The following NCALD variants were observed in gnomAD, a reference collection of about 807,000 sequenced individuals.
NCALD encodes the protein neurocalcin delta.
In NCALD, 10 loss-of-function variants were observed where a neutral mutation model predicts 18.6. That is an observed-to-expected ratio of 0.54 (90% CI 0.33 to 0.91). The LOEUF is 0.91. NCALD is among the 40% of genes least tolerant of loss of function. The pLI is 0.03. For synonymous variants in NCALD, 88 were observed against 87.4 expected, an observed-to-expected ratio of 1.01 and a Z score of -0.04; for missense variants, 184 against 247.6, an observed-to-expected ratio of 0.74 and a Z score of 1.72.
At chr8:101,915,016 T>C (rs1817926612) in intron 3 of NCALD, among the ~76,000 whole-genome samples, 1 of 152,234 alleles carries the variant, frequency 6.6e-6, no homozygotes, top group Non-Finnish European at 1.5e-5. Context: ...TTGACAAACA[T>C]TTTTGCAGTG....
At chr8:101,991,837 A>G (rs1318369356) in intron 2 of NCALD, among the ~76,000 whole-genome samples, 1 of 152,216 alleles carries the variant, frequency 6.6e-6, no homozygotes, top group Non-Finnish European at 1.5e-5. Flanking sequence ...TCAGAAAACC[A>G]CTGACCACCA....
intron 2 of NCALD, among the ~76,000 whole-genome samples, chr8:101,916,490 C>T (rs927616346): frequency 6.6e-6 from 1 of 152,066 alleles, no homozygotes; most frequent in Non-Finnish European, 1.5e-5. Context: ...AAACAGCTAA[C>T]AACTTATGAT....
intron 1 of NCALD, among the ~76,000 whole-genome samples, chr8:101,730,244 G>A (rs1816757493): frequency 6.6e-6 from 1 of 151,984 alleles, no homozygotes; most frequent in Admixed American, 6.6e-5. Context: ...CACTTTGGGA[G>A]GCCGAGGCGG....
In NCALD at chr8:101,788,116, T is replaced by C. The variant is rs1812302656; in HGVS notation, c.-20+2746A>G. On this transcript the variant is annotated intron_variant, in intron 1 of 3. Transcript: ENST00000220931. ...ATATTATTCCTTTTCATGCAGAATT[T>C]AGAGAACATTGCAAAATTCACACAC... Among the ~76,000 whole-genome samples the C allele has an allele frequency of 2.0e-5, 3 of 152,188 alleles. No homozygotes were observed. The South Asian group carries it at 6.2e-4, about 32-fold the overall frequency.
At chr8:102,004,181 T>A (rs1821600212) in intron 2 of NCALD, among the ~76,000 whole-genome samples, 1 of 151,780 alleles carries the variant, frequency 6.6e-6, no homozygotes, top group South Asian at 2.1e-4. Context: ...TTCAGCAAAG[T>A]CTCAGGATAC....
At chr8:101,774,227 A>G (rs1338993318) in intron 1 of NCALD, among the ~76,000 whole-genome samples, 1 of 152,194 alleles carries the variant, frequency 6.6e-6, no homozygotes, top group East Asian at 1.9e-4. Context: ...AAAGAATACA[A>G]TATCTTGAAA....
intron 3 of NCALD, among the ~76,000 whole-genome samples, chr8:101,905,251 T>A (rs1817570747): frequency 6.6e-6 from 1 of 151,826 alleles, no homozygotes; most frequent in Admixed American, 6.6e-5. Flanking sequence ...CAAATCTTTA[T>A]TTCTAGCACC....
intron 2 of NCALD, among the ~76,000 whole-genome samples, chr8:101,713,544 AAAG>A: frequency 6.6e-6 from 1 of 152,298 alleles, no homozygotes; most frequent in Non-Finnish European, 1.5e-5. Context: ...CCAGATTAAT[AAAG>A]AAGAAAAGGG....
At chr8:101,709,102 G>C (rs558901922) in intron 2 of NCALD, among the ~76,000 whole-genome samples, 2 of 152,366 alleles carry the variant, frequency 1.3e-5, no homozygotes, top group South Asian at 4.1e-4. Flanking sequence ...CACAGTGTGG[G>C]AGCGGGCCTG....
At chr8:101,767,193 GT>G (rs1368444937) in intron 1 of NCALD, among the ~76,000 whole-genome samples, 1 of 152,064 alleles carries the variant, frequency 6.6e-6, no homozygotes, top group Non-Finnish European at 1.5e-5. Context: ...TTGGTTATCT[GT>G]AAAGTCAAAA....
At chr8:101,720,230 G>A (rs775037820) in intron 1 of NCALD, among the ~76,000 whole-genome samples, 3 of 152,276 alleles carry the variant, frequency 2.0e-5, no homozygotes, top group Non-Finnish European at 2.9e-5. Flanking sequence ...CAACATGCTA[G>A]TTCAGGGATT....
chr8:101,940,935 T>A (rs1416365794), intron 2 of NCALD, among the ~76,000 whole-genome samples: 5 of 152,252 alleles, frequency 3.3e-5, no homozygotes, highest in African/African-American at 1.2e-4. Flanking sequence ...ATAAAATAAT[T>A]TTAAGATAAA....
intron 4 of NCALD, among the ~76,000 whole-genome samples, chr8:101,820,034 C>A (rs1813657938): frequency 6.6e-6 from 1 of 152,198 alleles, no homozygotes; most frequent in East Asian, 1.9e-4. Flanking sequence ...CTCTTACTAG[C>A]CATAAGTATT....
intron 4 of NCALD, among the ~76,000 whole-genome samples, chr8:101,811,437 C>A (rs1463805072): frequency 6.6e-6 from 1 of 152,132 alleles, no homozygotes; most frequent in African/African-American, 2.4e-5. Context: ...CCTGCCTACA[C>A]CTTAGCCCAG....
chr8:101,931,867 G>A (rs1818586890), intron 2 of NCALD, among the ~76,000 whole-genome samples: 2 of 152,080 alleles, frequency 1.3e-5, no homozygotes, highest in African/African-American at 4.8e-5. Flanking sequence ...CTTGGCTAGG[G>A]AGCAAATGTA....
intron 1 of NCALD, among the ~76,000 whole-genome samples, chr8:102,054,709 G>T (rs1229650428): frequency 1.2e-4 from 13 of 112,344 alleles, no homozygotes; most frequent in Non-Finnish European, 2.3e-4. Flanking sequence ...TAGATAGATA[G>T]ATAGATAGAT....
intron 1 of NCALD, among the ~76,000 whole-genome samples, chr8:102,092,199 G>A (rs1432166407): frequency 1.3e-5 from 2 of 152,232 alleles, no homozygotes; most frequent in Non-Finnish European, 2.9e-5. Context: ...CCAGGGCCAT[G>A]ACAGTTTGCA....
At chr8:102,020,681 T>C (rs1216232200) in intron 1 of NCALD, among the ~76,000 whole-genome samples, 4 of 152,198 alleles carry the variant, frequency 2.6e-5, no homozygotes, top group Non-Finnish European at 5.9e-5. Flanking sequence ...GTCAGAGTGA[T>C]CATTCTAAAA....
intron 1 of NCALD, among the ~76,000 whole-genome samples, chr8:102,108,977 G>A (rs1159487300): frequency 6.6e-6 from 1 of 152,170 alleles, no homozygotes; most frequent in African/African-American, 2.4e-5. Context: ...CTCGTCCCCT[G>A]TAAAATGAGA....
Sources: gnomAD v4.1 joint callset for allele counts (sites outside exome capture counted in the v4.1 genomes callset) on GRCh38, gnomAD v4.1.1 for gene constraint, MANE v1.5 for transcripts, NCBI Gene and HGNC (gene_info 2026-07-23, HGNC 2026-07-21) for gene names.